MEIS2: variants seen among roughly 807,000 people sequenced by gnomAD.
MEIS2 encodes the protein homeobox protein Meis2.
Under a neutral mutation model 58.6 loss-of-function variants are expected in MEIS2, and 9 were observed. That is an observed-to-expected ratio of 0.15 (90% CI 0.09 to 0.27). The LOEUF is 0.27. Ranked by LOEUF, MEIS2 falls within the 10% of genes least tolerant of loss-of-function variation. MEIS2 has a pLI of 1.00. For synonymous variants in MEIS2, 221 were observed against 228.4 expected (o/e 0.97, Z 0.29); for missense variants, 427 against 635.0 (o/e 0.67, Z 3.52).
chr15:36,962,337 A>G (rs979536214), intron 8 of MEIS2, among the ~76,000 whole-genome samples: 1 of 152,156 alleles, frequency 6.6e-6, no homozygotes, highest in African/African-American at 2.4e-5. Context: ...GAAACAAGGT[A>G]TCTGTGGGGG....
At chr15:36,896,089 A>G (rs1265201032) in intron 10 of MEIS2, among the ~76,000 whole-genome samples, 3 of 152,372 alleles carry the variant, frequency 2.0e-5, no homozygotes, top group South Asian at 2.1e-4. Context: ...GAATTCTGAG[A>G]AAAGCTCACA....
chr15:36,937,710 TTTG>T (rs745325857), intron 9 of MEIS2, among the ~76,000 whole-genome samples: 4 of 152,184 alleles, frequency 2.6e-5, no homozygotes, highest in Admixed American at 6.5e-5. Context: ...TAGGAAGATT[TTTG>T]TTGTTGTTGT....
intron 8 of MEIS2, among the ~76,000 whole-genome samples, chr15:36,971,748 T>C (rs1339528082): frequency 6.6e-6 from 1 of 152,042 alleles, no homozygotes; most frequent in Non-Finnish European, 1.5e-5. Context: ...GAAATCAATA[T>C]TTCCTTAACA....
At chr15:36,900,176 T>TA (rs1161848456) in intron 9 of MEIS2, among the ~76,000 whole-genome samples, 1 of 152,232 alleles carries the variant, frequency 6.6e-6, no homozygotes, top group African/African-American at 2.4e-5. Flanking sequence ...AAACAGTTCT[T>TA]AAAAAACATT....
chr15:37,074,905 T>C (rs1891182794), intron 7 of MEIS2, among the ~76,000 whole-genome samples: 1 of 152,010 alleles, frequency 6.6e-6, no homozygotes, highest in Admixed American at 6.6e-5. Context: ...GAAAAAGAAC[T>C]CACTACAAGG....
intron 8 of MEIS2, among the ~76,000 whole-genome samples, chr15:37,025,145 C>T (rs1455789914): frequency 6.6e-6 from 1 of 152,178 alleles, no homozygotes; most frequent in Non-Finnish European, 1.5e-5. Flanking sequence ...GTGTCACTCA[C>T]ATCCAAGTTC....
intron 8 of MEIS2, among the ~76,000 whole-genome samples, chr15:36,973,471 C>G (rs1328220070): frequency 6.6e-6 from 1 of 152,100 alleles, no homozygotes; most frequent in Non-Finnish European, 1.5e-5. Context: ...CTGCATTCTT[C>G]TAATGGAGAA....
At chr15:36,949,586 A>G (rs1358127584) in intron 9 of MEIS2, among the ~76,000 whole-genome samples, 2 of 152,066 alleles carry the variant, frequency 1.3e-5, no homozygotes, top group African/African-American at 4.8e-5. Context: ...ATTTTGAAAG[A>G]GAACTGTCAG....
intron 6 of MEIS2, among the ~76,000 whole-genome samples, chr15:37,084,535 T>TA (rs796205894): frequency 2.6e-5 from 4 of 152,044 alleles, no homozygotes; most frequent in East Asian, 1.9e-4. Flanking sequence ...AGAAATAATT[T>TA]AAAAAAAGGA....
intron 7 of MEIS2, among the ~76,000 whole-genome samples, chr15:37,052,196 A>C (rs1370702355): frequency 6.6e-6 from 1 of 152,178 alleles, no homozygotes; most frequent in East Asian, 1.9e-4. Context: ...TACAGAAATA[A>C]TATTAGCCCT....
At chr15:37,056,550 C>T (rs1888431641) in intron 7 of MEIS2, among the ~76,000 whole-genome samples, 1 of 152,188 alleles carries the variant, frequency 6.6e-6, no homozygotes, top group Admixed American at 6.5e-5. Flanking sequence ...AGCACCGGCT[C>T]GGCAGCCCCC....
Position 36,971,537 on chromosome 15 carries a change from T to TAAAAAAA in MEIS2, c.901-21144_901-21138dup, listed in dbSNP as rs71126247. Among the ~76,000 whole-genome samples the TAAAAAAA allele has an allele frequency of 1.8e-3, 120 of 67,068 alleles. 15 individuals are homozygous for TAAAAAAA. Among genetic ancestry groups the TAAAAAAA allele is most frequent in the African/African-American group, 7.0e-3 (99 of 14,166 alleles). 44.0% of individuals were successfully genotyped at this position (67,068 alleles called of 152,430 possible). ...GTATTACTTGTATGCCTTGTTACATTAAAAAAAAAAAAAAAAAAAAAAAAA... is the reference window on the plus strand; with the variant it reads ...GTATTACTTGTATGCCTTGTTACATTAAAAAAAAAAAAAAAAAAAAAAAAAAAAAAAA... On this transcript the variant is annotated intron_variant, in intron 8 of 11. Transcript: ENST00000561208.
intron 7 of MEIS2, among the ~76,000 whole-genome samples, chr15:37,043,170 A>C (rs2062504236): frequency 6.6e-6 from 1 of 152,198 alleles, no homozygotes. Context: ...GTGGTACATT[A>C]TTTAATTCTC....
intron 7 of MEIS2, among the ~76,000 whole-genome samples, chr15:37,065,708 A>G (rs1889839925): frequency 6.6e-6 from 1 of 152,162 alleles, no homozygotes; most frequent in Admixed American, 6.5e-5. Context: ...AGCAAATTTA[A>G]AAGAAAATTG....
At chr15:36,978,774 A>G (rs986733715) in intron 8 of MEIS2, among the ~76,000 whole-genome samples, 2 of 152,208 alleles carry the variant, frequency 1.3e-5, no homozygotes, top group Non-Finnish European at 2.9e-5. Context: ...ACATTTTTCC[A>G]TATCAATAAA....
Position 36,892,263 on chromosome 15 carries a change from A to T in MEIS2, c.1344T>A (p.Pro448=), listed in dbSNP as rs902334253. 6.2e-7 allele frequency: 1 copy of T among 1,614,068 alleles called. No homozygotes were observed. The highest frequency in any genetic ancestry group is 8.5e-7 in the Non-Finnish European group (1 of 1,180,012). Residue 448 remains proline, a synonymous_variant, in exon 12 of 12, where the codon CCT becomes CCA. Coordinates refer to ENST00000561208, the MANE Select transcript of MEIS2 (RefSeq NM_170675.5). The part of the protein sequence containing the change: ...MMMHGGPPTH[P]GMTMSAQSPT... ...GGCTCTGTGCTGACATAGTCATTCC[A>T]GGGTGGGTAGGGGGTCCTCCGTGCA...
At chr15:37,046,085 C>T (rs1404896100) in intron 7 of MEIS2, among the ~76,000 whole-genome samples, 2 of 152,336 alleles carry the variant, frequency 1.3e-5, no homozygotes, top group East Asian at 3.9e-4. Context: ...TCCAAATGCT[C>T]GGAGCTGCAG....
intron 8 of MEIS2, among the ~76,000 whole-genome samples, chr15:36,980,230 C>T (rs932205051): frequency 4.6e-5 from 7 of 152,032 alleles, no homozygotes; most frequent in Non-Finnish European, 1.0e-4. Flanking sequence ...ATACTTCTTG[C>T]CATACAGAAA....
At chr15:37,075,475 T>A (rs937665020) in intron 7 of MEIS2, among the ~76,000 whole-genome samples, 2 of 152,062 alleles carry the variant, frequency 1.3e-5, no homozygotes, top group African/African-American at 4.8e-5. Flanking sequence ...TGGAATTTGA[T>A]GGAATATATC....
Sources: gnomAD v4.1 joint callset for allele counts (sites outside exome capture counted in the v4.1 genomes callset) on GRCh38, gnomAD v4.1.1 for gene constraint, MANE v1.5 for transcripts, NCBI Gene and HGNC (gene_info 2026-07-23, HGNC 2026-07-21) for gene names.